EHBP1: variants seen among roughly 807,000 people sequenced by gnomAD.
EHBP1 encodes EH domain binding protein 1.
Under a neutral mutation model 144.0 loss-of-function variants are expected in EHBP1, and 55 were observed. The ratio of observed to expected loss-of-function variants is 0.38; its 90% CI spans 0.31 to 0.48. The LOEUF is 0.48. Among genes scored for constraint, EHBP1 ranks in the 20% least tolerant of loss-of-function variants. The probability of loss-of-function intolerance (pLI) is 0.98; values close to 1 mark genes in which losing one functional copy is unlikely to be tolerated. For synonymous variants in EHBP1, 469 were observed against 472.7 expected (o/e 0.99, Z 0.10); for missense variants, 1,200 against 1,364.2 (o/e 0.88, Z 1.90).
At chr2:62,781,976 G>A (rs1193967874) in intron 5 of EHBP1, among the ~76,000 whole-genome samples, 1 of 152,156 alleles carries the variant, frequency 6.6e-6, no homozygotes, top group African/African-American at 2.4e-5. Flanking sequence ...TTTCTAAAGT[G>A]GATGTTATTA....
At chr2:62,935,447 T>C (rs1396642273) in intron 10 of EHBP1, among the ~76,000 whole-genome samples, 1 of 151,594 alleles carries the variant, frequency 6.6e-6, no homozygotes, top group Non-Finnish European at 1.5e-5. Context: ...GTTTTTGGAT[T>C]TGTGCCAAGT....
chr2:62,806,295 T>C (rs72807581), intron 5 of EHBP1, among the ~76,000 whole-genome samples: 16,958 of 152,236 alleles, frequency 0.11, 1,268 homozygotes, highest in Non-Finnish European at 0.16. Flanking sequence ...GTTACTATTT[T>C]CTAATTGTTG....
At chr2:62,715,949 G>A (rs148775741) in intron 2 of EHBP1, among the ~76,000 whole-genome samples, 7 of 152,098 alleles carry the variant, frequency 4.6e-5, no homozygotes, top group Middle Eastern at 3.4e-3. Context: ...CCCTATTATC[G>A]CTAAGATAAC....
chr2:62,989,630 G>A (rs149187334), intron 15 of EHBP1, among the ~76,000 whole-genome samples: 72 of 152,106 alleles, frequency 4.7e-4, no homozygotes, highest in African/African-American at 1.6e-3. Context: ...AATTGTTTAC[G>A]GCTCTCAAGC....
At position 62,935,328 on chromosome 2, in the gene EHBP1, CA is replaced by C. The variant is rs550896639; in HGVS notation, c.1186-7373del. Among the ~76,000 whole-genome samples the C allele has an allele frequency of 8.3e-3, 886 of 106,426 alleles. 5 individuals are homozygous for C. The highest frequency in any genetic ancestry group is 0.014 in the South Asian group (44 of 3,170). 69.8% of individuals were successfully genotyped at this position (106,426 alleles called of 152,430 possible). On this transcript the variant is annotated intron_variant, in intron 10 of 22. Transcript: ENST00000431489. ...TGGGCGACAGAGCGAGACTCCATCT[CA>C]AAAAAAAAAAAAAAAATATATATAT...
At chr2:62,779,723 C>G (rs749000960) in intron 5 of EHBP1, among the ~76,000 whole-genome samples, 7 of 152,088 alleles carry the variant, frequency 4.6e-5, no homozygotes, top group Non-Finnish European at 7.4e-5. Context: ...ATAGAGGACC[C>G]CTGCTCATCT....
intron 9 of EHBP1, among the ~76,000 whole-genome samples, chr2:62,865,515 T>C (rs1422246210): frequency 6.6e-6 from 1 of 152,252 alleles, no homozygotes; most frequent in African/African-American, 2.4e-5. Context: ...GTGTTCATAC[T>C]GTAATCTGGA....
chr2:62,720,757 C>G (rs1016125469), intron 2 of EHBP1, among the ~76,000 whole-genome samples: 1 of 152,058 alleles, frequency 6.6e-6, no homozygotes, highest in Non-Finnish European at 1.5e-5. Flanking sequence ...TTTGGTTTCC[C>G]TGGGTCACAC....
chr2:62,843,141 ATT>A (rs2152727944), intron 7 of EHBP1, among the ~76,000 whole-genome samples: 2 of 152,264 alleles, frequency 1.3e-5, no homozygotes, highest in African/African-American at 2.4e-5. Context: ...CATTTTTTAT[ATT>A]TTATGAAATT....
intron 14 of EHBP1, among the ~76,000 whole-genome samples, chr2:62,966,388 G>C (rs941804443): frequency 6.6e-6 from 1 of 152,158 alleles, no homozygotes; most frequent in South Asian, 2.1e-4. Flanking sequence ...TGATTAGACA[G>C]CTCATCTATC....
rs1381730653 is a variant in EHBP1, at chr2:62,948,377, C to T, written c.1531C>T (p.His511Tyr). 1.2e-6 allele frequency: 2 copies of T among 1,613,848 alleles called. No individual in the cohort carries two copies. Among genetic ancestry groups the T allele is most frequent in the Non-Finnish European group, 1.7e-6 (2 of 1,179,962 alleles). Residue 511 changes from histidine to tyrosine, a missense_variant, in exon 13 of 23, where the codon CAT (histidine) becomes TAT (tyrosine). Physicochemically the swap from His to Tyr is moderately conservative, Grantham distance 83. Transcript: ENST00000431489. ...VMTYLYQIRA[H>Y]FSGQELNVVQ... ...GACTTATCTCTATCAAATAAGGGCACATTTCAGTGGCCAAGAACTAAATGT... is the reference window on the plus strand; with the variant it reads ...GACTTATCTCTATCAAATAAGGGCATATTTCAGTGGCCAAGAACTAAATGT...
chr2:62,925,160 T>C (rs2055396848), intron 10 of EHBP1, among the ~76,000 whole-genome samples: 1 of 152,178 alleles, frequency 6.6e-6, no homozygotes, highest in Non-Finnish European at 1.5e-5. Flanking sequence ...AATTTGACAT[T>C]GTTCATGATA....
chr2:62,864,979 C>CA lies in EHBP1; in HGVS notation c.998+9dup, dbSNP rs772716770. ...AGAAGAAGAATTGGATGAGTAAGTA[C>CA]ATTTCATTTTGCTGTCATCACAAGT... On this transcript the variant is annotated intron_variant, in intron 9 of 22. Coordinates refer to ENST00000431489, the MANE Select transcript of EHBP1 (RefSeq NM_001142616.3). 6.2e-7 allele frequency: 1 copy of CA among 1,610,904 alleles called. No homozygotes were observed. Among genetic ancestry groups the CA allele is most frequent in the Non-Finnish European group, 8.5e-7 (1 of 1,178,984 alleles).
In EHBP1 at chr2:62,751,746, T is replaced by G. The variant is rs541284925; in HGVS notation, c.162+4294T>G. Among the ~76,000 whole-genome samples the G allele has an allele frequency of 3.3e-5, 5 of 152,358 alleles. No individual in the cohort carries two copies. In the East Asian group the frequency reaches 9.6e-4, roughly 29 times the overall value. Reference sequence around the variant, plus strand: ...ATGTGTCCAGGAATTTATGCATTTCTTCTAGATTTTCTAGTTTATTTGTGT... The same window carrying G: ...ATGTGTCCAGGAATTTATGCATTTCGTCTAGATTTTCTAGTTTATTTGTGT... On this transcript the variant is annotated intron_variant, in intron 3 of 22. Transcript: ENST00000431489.
At chr2:62,887,210 C>G (rs550719902) in intron 10 of EHBP1, among the ~76,000 whole-genome samples, 56 of 152,266 alleles carry the variant, frequency 3.7e-4, no homozygotes, top group Non-Finnish European at 6.6e-4. Flanking sequence ...AATAGCCACG[C>G]CAACCTCCAC....
intron 10 of EHBP1, among the ~76,000 whole-genome samples, chr2:62,891,718 G>A (rs1476795809): frequency 6.6e-6 from 1 of 152,056 alleles, no homozygotes; most frequent in Non-Finnish European, 1.5e-5. Flanking sequence ...TATCATTAAA[G>A]GTGTGTTAGC....
intron 7 of EHBP1, chr2:62,858,464 A>C: frequency 6.2e-7 from 1 of 1,612,170 alleles, no homozygotes; most frequent in Non-Finnish European, 8.5e-7. Context: ...ATGACTGCAT[A>C]AAGCAAGCAA....
rs183255693 is a variant in EHBP1 at position 62,993,064 on chromosome 2, G to A, written c.2734-466G>A. On this transcript the variant is annotated intron_variant, in intron 16 of 22. Coordinates refer to ENST00000431489, the MANE Select transcript of EHBP1 (RefSeq NM_001142616.3). ...AATTGTAGTTTCCTTAGCTGTAAAG[G>A]GCTTACTTACAAATCTGGCTTTGGA... 7.7e-4 allele frequency among the ~76,000 whole-genome samples: 117 copies of A among 152,240 alleles called. 1 individual carries two copies. The highest frequency in any genetic ancestry group is 2.7e-3 in the African/African-American group (111 of 41,550).
intron 10 of EHBP1, among the ~76,000 whole-genome samples, chr2:62,912,032 C>A (rs2054260562): frequency 6.6e-6 from 1 of 152,004 alleles, no homozygotes. Flanking sequence ...CACCTAGATT[C>A]TTTAATAGTA....
Sources: gnomAD v4.1 joint callset for allele counts (sites outside exome capture counted in the v4.1 genomes callset) on GRCh38, gnomAD v4.1.1 for gene constraint, MANE v1.5 for transcripts, NCBI Gene and HGNC (gene_info 2026-07-23, HGNC 2026-07-21) for gene names.